DPP6: variants seen among roughly 807,000 people sequenced by gnomAD.
The protein encoded by DPP6 is dipeptidyl peptidase like 6, also known as A-type potassium channel modulatory protein DPP6.
DPP6 carries 69 observed loss-of-function variants against 122.6 expected under a neutral mutation model. The ratio of observed to expected loss-of-function variants is 0.56; its 90% CI spans 0.46 to 0.69. DPP6 has a LOEUF of 0.69. DPP6 is among the 30% of genes least tolerant of loss of function. The probability of loss-of-function intolerance (pLI) is 0.00; values close to 1 mark genes in which losing one functional copy is unlikely to be tolerated. For missense variants in DPP6, 928 were observed against 1,116.9 expected (o/e 0.83, Z 2.41); for synonymous variants, 418 against 433.1 (o/e 0.97, Z 0.43).
chr7:153,811,892 GT>G, the DPP6 span, among the ~76,000 whole-genome samples: 10 of 152,062 alleles, frequency 6.6e-5, no homozygotes, highest in African/African-American at 2.4e-4. Context: ...GTTGGGTTTG[GT>G]TTTTGTTATT....
chr7:154,742,178 C>T (rs117221793), intron 8 of DPP6, among the ~76,000 whole-genome samples: 1,951 of 152,240 alleles, frequency 0.013, 42 homozygotes, highest in East Asian at 0.064. Flanking sequence ...ACAGTCAGTC[C>T]GATGGAGGCC....
At chr7:154,032,294 A>G (rs1337694707) in intron 1 of DPP6, among the ~76,000 whole-genome samples, 1 of 152,188 alleles carries the variant, frequency 6.6e-6, no homozygotes, top group Non-Finnish European at 1.5e-5. Context: ...TGGCATAAAC[A>G]ACCTGAAGCA....
intron 1 of DPP6, among the ~76,000 whole-genome samples, chr7:154,061,083 A>G (rs1156287265): frequency 4.0e-5 from 6 of 149,050 alleles, no homozygotes; most frequent in African/African-American, 1.5e-4. Context: ...CAGCTCGGGA[A>G]CAGAAAGAAA....
At chr7:153,811,897 T>C in the DPP6 span, among the ~76,000 whole-genome samples, 2 of 152,106 alleles carry the variant, frequency 1.3e-5, no homozygotes, top group African/African-American at 4.8e-5. Flanking sequence ...GTTTGGTTTT[T>C]GTTATTTTGA....
At chr7:154,441,381 T>C (rs1819359295) in intron 1 of DPP6, among the ~76,000 whole-genome samples, 1 of 152,220 alleles carries the variant, frequency 6.6e-6, no homozygotes, top group African/African-American at 2.4e-5. Context: ...GTATCTTGTG[T>C]TTCTATAATT....
intron 5 of DPP6, among the ~76,000 whole-genome samples, chr7:154,613,022 G>A (rs1080445): frequency 0.39 from 59,994 of 151,952 alleles, 12,380 homozygotes; most frequent in Non-Finnish European, 0.46. Context: ...TCTTGTTGTA[G>A]CCTCATGTGG....
chr7:154,463,366 C>T (rs1465927912), intron 2 of DPP6, among the ~76,000 whole-genome samples: 1 of 151,802 alleles, frequency 6.6e-6, no homozygotes, highest in Non-Finnish European at 1.5e-5. Flanking sequence ...CGCCACCACG[C>T]CCGGCTAATT....
chr7:153,925,898 C>T (rs1800876530), intron 1 of DPP6, among the ~76,000 whole-genome samples: 1 of 152,144 alleles, frequency 6.6e-6, no homozygotes, highest in Admixed American at 6.5e-5. Context: ...GGTATATTTC[C>T]AGTTACATCG....
chr7:153,944,023 A>G (rs898982785), intron 1 of DPP6, among the ~76,000 whole-genome samples: 1 of 152,188 alleles, frequency 6.6e-6, no homozygotes, highest in Admixed American at 6.5e-5. Context: ...GCAAATGAGC[A>G]TCTGCTGTGT....
chr7:153,990,252 A>G, intron 1 of DPP6, among the ~76,000 whole-genome samples: 2 of 102,672 alleles, frequency 1.9e-5, no homozygotes, highest in African/African-American at 4.4e-5. Flanking sequence ...AGGCAGCCCC[A>G]CCTGCTTCCA....
intron 1 of DPP6, among the ~76,000 whole-genome samples, chr7:154,079,267 T>C (rs765568353): frequency 8.5e-5 from 13 of 152,308 alleles, no homozygotes; most frequent in Admixed American, 2.6e-4. Context: ...GTTAGCTGTT[T>C]TGAGGGTAGA....
At chr7:154,447,475 G>T (rs1819983277) in intron 2 of DPP6, among the ~76,000 whole-genome samples, 1 of 151,796 alleles carries the variant, frequency 6.6e-6, no homozygotes, top group South Asian at 2.1e-4. Flanking sequence ...ACCTTAAGAT[G>T]AAAAAAAGTA....
intron 1 of DPP6, among the ~76,000 whole-genome samples, chr7:154,341,182 GA>G (rs1156464533): frequency 6.6e-6 from 1 of 152,140 alleles, no homozygotes; most frequent in Non-Finnish European, 1.5e-5. Context: ...ACATGCTGAT[GA>G]TGCCAAATAG....
At chr7:154,575,237 T>C (rs1325982677) in intron 5 of DPP6, among the ~76,000 whole-genome samples, 124 of 120,752 alleles carry the variant, frequency 1.0e-3, no homozygotes, top group African/African-American at 3.8e-3. Context: ...GTGTGTGTGG[T>C]GTTTGTGTGG....
At chr7:153,860,163 T>A in the DPP6 span, among the ~76,000 whole-genome samples, 17 of 152,262 alleles carry the variant, frequency 1.1e-4, 1 homozygote, top group Admixed American at 9.8e-4. Flanking sequence ...TATTCCAGCA[T>A]ATTTCGAGAT....
At chr7:154,046,691 G>C (rs939921091) in intron 1 of DPP6, among the ~76,000 whole-genome samples, 3 of 152,012 alleles carry the variant, frequency 2.0e-5, no homozygotes, top group Admixed American at 6.5e-5. Flanking sequence ...TGGAAGAAGA[G>C]ATGGAAAGAT....
rs113951077 is a variant in DPP6, at chr7:154,403,846, C to G, written c.244-42368C>G. On this transcript the variant is annotated intron_variant, in intron 1 of 25. Transcript: ENST00000377770. The surrounding 1 kb of genome is among the most constrained non-coding windows in gnomAD (Gnocchi z 4.1). ...GGCTGTGAATATCCACCACTGTCTT[C>G]CTACTTCTCTTTCTTTGGAAGCATT... Among the ~76,000 whole-genome samples the G allele has an allele frequency of 0.023, 3,458 of 152,292 alleles. 127 individuals carry two copies. Among genetic ancestry groups the G allele is most frequent in the African/African-American group, 0.079 (3,280 of 41,542 alleles).
At chr7:154,247,742 G>A (rs1330812410) in intron 1 of DPP6, among the ~76,000 whole-genome samples, 3 of 152,056 alleles carry the variant, frequency 2.0e-5, no homozygotes, top group African/African-American at 7.2e-5. Flanking sequence ...GCAGTCTACT[G>A]CACTCTTAGG....
chr7:154,050,716 C>T (rs2129061315), upstream of DPP6, among the ~76,000 whole-genome samples: 1 of 151,410 alleles, frequency 6.6e-6, no homozygotes, highest in South Asian at 2.1e-4. Flanking sequence ...ACCCCAGACC[C>T]ACCTGCCTGG....
Sources: allele counts gnomAD v4.1 joint callset (sites outside exome capture counted in the v4.1 genomes callset), GRCh38; gene constraint gnomAD v4.1.1; non-coding constraint Gnocchi (gnomAD v3.1); transcripts MANE v1.5; gene names NCBI Gene and HGNC (gene_info 2026-07-23, HGNC 2026-07-21).